The following ADAM9 variants were observed in gnomAD, a reference collection of about 807,000 sequenced individuals.
ADAM9 encodes disintegrin and metalloproteinase domain-containing protein 9.
ADAM9 carries 54 observed loss-of-function variants against 108.1 expected under a neutral mutation model. The ratio of observed to expected loss-of-function variants is 0.50; its 90% CI spans 0.40 to 0.63. ADAM9 has a LOEUF of 0.63. Among genes scored for constraint, ADAM9 ranks in the 20% least tolerant of loss-of-function variants. The pLI is 0.00. For missense variants in ADAM9, 830 were observed against 997.7 expected (o/e 0.83, Z 2.26); for synonymous variants, 316 against 336.0 (o/e 0.94, Z 0.65).
chr8:39,090,287 C>T (rs1839312356), intron 19 of ADAM9, 99 bp downstream of exon 19: 1 of 1,033,958 alleles, frequency 9.7e-7, no homozygotes, highest in Admixed American at 2.3e-5. Flanking sequence ...TTCCCCCTGC[C>T]TCAGCCTTCC....
rs530812047 is a variant in ADAM9 at position 39,045,339 on chromosome 8, T to C, written c.1302+3222T>C. ...ACACCTATACATGTGTGTGTACACC[T>C]ATACATGTGTGTACATACATATAGG... On this transcript the variant is annotated intron_variant, in intron 12 of 21. Transcript: ENST00000487273. 3.4e-4 allele frequency among the ~76,000 whole-genome samples: 50 copies of C among 146,580 alleles called. 3 individuals are homozygous for C. The highest frequency in any genetic ancestry group is 8.6e-4 in the African/African-American group (34 of 39,484).
chr8:39,054,439 C>T (rs1176362333), intron 12 of ADAM9, 42 bp from the exon 13 acceptor site: 4 of 1,525,710 alleles, frequency 2.6e-6, no homozygotes, highest in Non-Finnish European at 3.6e-6. Context: ...GTATTCATGT[C>T]AATTACTAAT....
chr8:39,054,094 C>T (rs112453036), intron 12 of ADAM9, among the ~76,000 whole-genome samples: 240 of 152,276 alleles, frequency 1.6e-3, no homozygotes, highest in African/African-American at 5.6e-3. Flanking sequence ...TGTCAGCACA[C>T]AGCAAGAAGG....
chr8:39,022,778 A>G (rs914633376), intron 8 of ADAM9, among the ~76,000 whole-genome samples: 7 of 152,072 alleles, frequency 4.6e-5, no homozygotes, highest in Admixed American at 2.6e-4. Context: ...CAGTGGCGCA[A>G]TCTCGGCTCA....
At chr8:38,998,379 A>C (rs1306755851) in intron 1 of ADAM9, among the ~76,000 whole-genome samples, 1 of 147,546 alleles carries the variant, frequency 6.8e-6, no homozygotes, top group Non-Finnish European at 1.5e-5. Context: ...ATACATCCGG[A>C]GTTTTATTAA....
intron 2 of ADAM9, among the ~76,000 whole-genome samples, chr8:39,011,070 G>T (rs1202682727): frequency 6.7e-6 from 1 of 149,242 alleles, no homozygotes; most frequent in Non-Finnish European, 1.5e-5. Context: ...TCCAGACTAG[G>T]TGACAGAGTG....
intron 14 of ADAM9, among the ~76,000 whole-genome samples, chr8:39,065,766 A>AT (rs1241579918): frequency 1.3e-5 from 2 of 151,438 alleles, no homozygotes; most frequent in East Asian, 1.9e-4. Context: ...TTTTTTTTAA[A>AT]TATATTTTAA....
In ADAM9 at chr8:39,045,568, GTGTATA is replaced by G. The variant is rs1349804232; in HGVS notation, c.1302+3453_1302+3458del. Among the ~76,000 whole-genome samples, 136 of 139,260 alleles carry G rather than the reference GTGTATA, an allele frequency of 9.8e-4. 2 individuals carry two copies. Among genetic ancestry groups the G allele is most frequent in the African/African-American group, 3.1e-3 (119 of 38,000 alleles). 91.4% of individuals were successfully genotyped at this position (139,260 alleles called of 152,430 possible). Reference sequence around the variant, plus strand: ...TATGTGTGTGTGTATATGTGTGTGTGTGTATATATATATATATATAAAAGATTTTTC... The same window carrying G: ...TATGTGTGTGTGTATATGTGTGTGTGTATATATATATATAAAAGATTTTTC... On this transcript the variant is annotated intron_variant, in intron 12 of 21. Transcript: ENST00000487273.
At chr8:39,074,917 T>C (rs1838806667) in intron 15 of ADAM9, among the ~76,000 whole-genome samples, 1 of 147,456 alleles carries the variant, frequency 6.8e-6, no homozygotes, top group Non-Finnish European at 1.5e-5. Flanking sequence ...TTTTTTTTTT[T>C]TTTTTTTTGA....
chr8:39,045,238 GTATACATACATATA>G, intron 12 of ADAM9, among the ~76,000 whole-genome samples: 3 of 145,686 alleles, frequency 2.1e-5, no homozygotes, highest in African/African-American at 7.5e-5. Flanking sequence ...GTATATATGT[GTATACATACATATA>G]TGTGTATATA....
At chr8:39,059,718 C>T (rs1317778705) in intron 14 of ADAM9, among the ~76,000 whole-genome samples, 1 of 152,216 alleles carries the variant, frequency 6.6e-6, no homozygotes, top group African/African-American at 2.4e-5. Context: ...AAGTGAACAA[C>T]CAGGTGCACT....
intron 3 of ADAM9, among the ~76,000 whole-genome samples, chr8:39,012,682 A>G (rs935330409): frequency 1.4e-4 from 21 of 152,190 alleles, no homozygotes; most frequent in Admixed American, 2.6e-4. Flanking sequence ...CATTCTCAGC[A>G]AACTATTGCA....
At chr8:39,032,269 C>A (rs1260827878) in intron 11 of ADAM9, among the ~76,000 whole-genome samples, 2 of 152,264 alleles carry the variant, frequency 1.3e-5, no homozygotes, top group Non-Finnish European at 2.9e-5. Flanking sequence ...CTATGCCCTG[C>A]CCCAAGAGGT....
In ADAM9 at chr8:39,016,103, G is replaced by C. The variant is rs2129433038; in HGVS notation, c.334-15G>C. On this transcript the variant is annotated splice_polypyrimidine_tract_variant and intron_variant, in intron 4 of 21. Coordinates refer to ENST00000487273, the MANE Select transcript of ADAM9 (RefSeq NM_003816.3). ...TGTAGCAATATTTGAAGATAATACAGTATTTTTCATTTAGAATCATTGTCA... is the reference window on the plus strand; with the variant it reads ...TGTAGCAATATTTGAAGATAATACACTATTTTTCATTTAGAATCATTGTCA... The C allele has an allele frequency of 6.2e-7, 1 of 1,607,798 alleles. No individual in the cohort carries two copies. Among genetic ancestry groups the C allele is most frequent in the East Asian group, 2.2e-5 (1 of 44,814 alleles).
At chr8:39,009,260 T>C (rs1334540824) in intron 2 of ADAM9, among the ~76,000 whole-genome samples, 49 of 152,242 alleles carry the variant, frequency 3.2e-4, no homozygotes, top group Non-Finnish European at 1.3e-4. Context: ...TGATTATGTT[T>C]TGTCTTAGGA....
intron 11 of ADAM9, among the ~76,000 whole-genome samples, chr8:39,035,873 G>A (rs1391069643): frequency 6.6e-6 from 1 of 152,002 alleles, no homozygotes; most frequent in East Asian, 1.9e-4. Flanking sequence ...ACTAGGATGA[G>A]GTTATCCTAG....
Position 39,082,880 on chromosome 8 carries a change from T to C in ADAM9, c.1963-88T>C, listed in dbSNP as rs1042870498. The C allele has an allele frequency of 2.2e-6, 3 of 1,350,676 alleles. No homozygotes were observed. In the African/African-American group the frequency reaches 4.4e-5, roughly 20 times the overall value. 83.7% of individuals were successfully genotyped at this position (1,350,676 alleles called of 1,614,324 possible). On this transcript the variant is annotated intron_variant, in intron 17 of 21. Transcript: ENST00000487273. ...CAGTGTCAGTAAGCTTGTATGAATTTAGTCCTTTCTCTTGGTTTCCATTCT... is the reference window on the plus strand; with the variant it reads ...CAGTGTCAGTAAGCTTGTATGAATTCAGTCCTTTCTCTTGGTTTCCATTCT...
In ADAM9 at chr8:39,042,298, A is replaced by G. The variant is rs573589491; in HGVS notation, c.1302+181A>G. 3.9e-5 allele frequency among the ~76,000 whole-genome samples: 6 copies of G among 152,304 alleles called. No homozygotes were observed. In the East Asian group the frequency reaches 9.6e-4, roughly 24 times the overall value. On this transcript the variant is annotated intron_variant, in intron 12 of 21. Coordinates refer to ENST00000487273, the MANE Select transcript of ADAM9 (RefSeq NM_003816.3). ...TTGGTCATCTCCTTCTTCTCAGAGT[A>G]TGACTAACGGTGCCATCTGTTTTGA...
At chr8:39,037,491 G>A (rs914036556) in intron 11 of ADAM9, among the ~76,000 whole-genome samples, 1 of 143,102 alleles carries the variant, frequency 7.0e-6, no homozygotes, top group African/African-American at 2.6e-5. Context: ...AGGGTCTCTG[G>A]AGAGCAGTGG....
Sources: gnomAD v4.1 joint callset for allele counts (sites outside exome capture counted in the v4.1 genomes callset) on GRCh38, gnomAD v4.1.1 for gene constraint, MANE v1.5 for transcripts, NCBI Gene and HGNC (gene_info 2026-07-23, HGNC 2026-07-21) for gene names.